Variants in FECH observed in about 807,000 individuals in gnomAD.
FECH encodes the protein ferrochelatase.
A neutral mutation model predicts 56.9 loss-of-function variants in FECH; 40 were observed. The ratio of observed to expected loss-of-function variants is 0.70; its 90% confidence interval spans 0.55 to 0.92. FECH has a LOEUF of 0.92. Among genes scored for constraint, FECH ranks in the 40% least tolerant of loss-of-function variants. The pLI is 0.00. For synonymous variants in FECH, 175 were observed against 198.6 expected (o/e 0.88, Z 1.00); for missense variants, 431 against 529.1 (o/e 0.81, Z 1.82).
Position 57,548,890 on chromosome 18 carries a change from A to G in FECH, c.*1822T>C, listed in dbSNP as rs2050756441. The G allele has an allele frequency of 6.6e-6, 1 of 152,204 alleles. No individual in the cohort carries two copies. Among genetic ancestry groups the G allele is most frequent in the African/African-American group, 2.4e-5 (1 of 41,456 alleles). 9.4% of individuals were successfully genotyped at this position (152,204 alleles called of 1,614,324 possible). A position where few individuals can be genotyped will look rare whatever the true frequency, so the allele number is the denominator to read the frequency against. On this transcript the variant is annotated 3_prime_UTR_variant, in exon 11 of 11. Coordinates refer to ENST00000262093, the MANE Select transcript of FECH (RefSeq NM_000140.5). ...AGTTTTCTGCATCATCTCCATAAAA[A>G]TATTTTTTCACCTCTAAAGTCATCA...
At chr18:57,550,934 G>A (rs776631327) in intron 10 of FECH, 88 bp from the exon 11 acceptor site, 31 of 1,567,902 alleles carry the variant, frequency 2.0e-5, no homozygotes, top group Admixed American at 6.8e-5. Flanking sequence ...CCAGGTCAGC[G>A]CTCTGGCTTG....
chr18:57,568,639 A>C (rs886368835), intron 4 of FECH, among the ~76,000 whole-genome samples: 2 of 152,104 alleles, frequency 1.3e-5, no homozygotes, highest in Non-Finnish European at 2.9e-5. Flanking sequence ...AGCCCAAAAC[A>C]CATCACTCAC....
chr18:57,563,081 G>T, intron 5 of FECH, 101 bp from the exon 6 acceptor site: 1 of 878,330 alleles, frequency 1.1e-6, no homozygotes. Context: ...GCAGGTAACT[G>T]CTTCTTTACT....
At chr18:57,584,805 A>G (rs945157258) in intron 1 of FECH, among the ~76,000 whole-genome samples, 2 of 149,924 alleles carry the variant, frequency 1.3e-5, no homozygotes, top group African/African-American at 4.9e-5. Flanking sequence ...TTATTATCCT[A>G]GAATTGTTTT....
chr18:57,570,386 C>T (rs998064213), intron 4 of FECH, among the ~76,000 whole-genome samples: 8 of 152,174 alleles, frequency 5.3e-5, no homozygotes, highest in Non-Finnish European at 1.0e-4. Context: ...GAACAATTTT[C>T]GAAGTGAGGT....
In FECH at chr18:57,545,928, G is replaced by C. The variant is rs1295251729; in HGVS notation, c.*4784C>G. On this transcript the variant is annotated 3_prime_UTR_variant, in exon 11 of 11. Coordinates refer to ENST00000262093, the MANE Select transcript of FECH (RefSeq NM_000140.5). ...GCGAATGTAGTTAATAATACTTCAA[G>C]TACTGTAGACAGTTGTCCTTCTATA... Among the ~76,000 whole-genome samples, 1 of 152,192 alleles carries C rather than the reference G, an allele frequency of 6.6e-6. No individual in the cohort carries two copies. The highest frequency in any genetic ancestry group is 2.4e-5 in the African/African-American group (1 of 41,454).
rs974072463 is a variant in FECH at position 57,545,859 on chromosome 18, G to C, written c.*4853C>G. Among the ~76,000 whole-genome samples the C allele has an allele frequency of 6.6e-6, 1 of 152,192 alleles. No individual in the cohort carries two copies. Reference sequence around the variant, plus strand: ...AGTTTGTAAAATGATCAAAATTTTAGATATGCAGGATAAATATGTTCTGGG... The same window carrying C: ...AGTTTGTAAAATGATCAAAATTTTACATATGCAGGATAAATATGTTCTGGG... On this transcript the variant is annotated 3_prime_UTR_variant, in exon 11 of 11. Transcript: ENST00000262093.
intron 5 of FECH, among the ~76,000 whole-genome samples, chr18:57,565,749 G>A (rs527852863): frequency 2.6e-5 from 4 of 152,136 alleles, no homozygotes; most frequent in Non-Finnish European, 5.9e-5. Flanking sequence ...ATATCCAAAA[G>A]CAATTTGGGA....
intron 2 of FECH, among the ~76,000 whole-genome samples, chr18:57,573,754 C>T (rs1441303895): frequency 6.6e-6 from 1 of 152,172 alleles, no homozygotes; most frequent in African/African-American, 2.4e-5. Flanking sequence ...CTGACCTCTC[C>T]CAACTTCAAG....
chr18:57,551,144 G>C (rs2122238164), intron 10 of FECH, 171 bp downstream of exon 10: 1 of 655,124 alleles, frequency 1.5e-6, no homozygotes, highest in East Asian at 2.7e-5. Flanking sequence ...CAGAAAATTG[G>C]GGCTATCTGA....
intron 2 of FECH, among the ~76,000 whole-genome samples, chr18:57,579,032 G>A (rs1441193097): frequency 6.6e-6 from 1 of 151,920 alleles, no homozygotes; most frequent in Non-Finnish European, 1.5e-5. Context: ...CGGATCACTT[G>A]AAGTCAGGAG....
At position 57,580,121 on chromosome 18, in the gene FECH, G is replaced by T; in HGVS notation, c.146C>A (p.Thr49Lys). 6.2e-7 allele frequency: 1 copy of T among 1,614,160 alleles called. No individual in the cohort carries two copies. The highest frequency in any genetic ancestry group is 1.1e-5 in the South Asian group (1 of 91,076). The part of the protein sequence containing the change: ...GAAAAAVTTE[T>K]AQHAQGAKPQ... ...TTTTGCACCCTGGGCATGCTGGGCT[G>T]TTTCTGTGGTGACGGCCGCTGCAGC... Residue 49 changes from threonine to lysine, a missense_variant, in exon 2 of 11, where the codon ACA becomes AAA. Coordinates refer to ENST00000262093, the MANE Select transcript of FECH (RefSeq NM_000140.5).
intron 4 of FECH, among the ~76,000 whole-genome samples, chr18:57,569,977 G>A (rs936514499): frequency 7.3e-5 from 11 of 150,676 alleles, no homozygotes; most frequent in African/African-American, 2.7e-4. Context: ...GGGCCTACAG[G>A]CGTGTGCCAC....
At chr18:57,555,902 G>A (rs2050861466) in intron 7 of FECH, among the ~76,000 whole-genome samples, 1 of 152,224 alleles carries the variant, frequency 6.6e-6, no homozygotes, top group Non-Finnish European at 1.5e-5. Flanking sequence ...GCTGAGGTGG[G>A]CTGATCGCCT....
rs145367187 is a variant in FECH, at chr18:57,547,459, G to T, written c.*3253C>A. Among the ~76,000 whole-genome samples, 21 of 152,228 alleles carry T rather than the reference G, an allele frequency of 1.4e-4. No homozygotes were observed. Among genetic ancestry groups the T allele is most frequent in the African/African-American group, 5.1e-4 (21 of 41,530 alleles). Reference sequence around the variant, plus strand: ...TTCTTGTGACAGCCAGTTCTCACGAGATCTGATGGTTTTATAAGGGGGCTC... The same window carrying T: ...TTCTTGTGACAGCCAGTTCTCACGATATCTGATGGTTTTATAAGGGGGCTC... On this transcript the variant is annotated 3_prime_UTR_variant, in exon 11 of 11. Transcript: ENST00000262093.
At position 57,546,425 on chromosome 18, in the gene FECH, C is replaced by T. The variant is rs1188887781; in HGVS notation, c.*4287G>A. Among the ~76,000 whole-genome samples the T allele has an allele frequency of 2.0e-5, 3 of 152,290 alleles. No individual in the cohort carries two copies. Among genetic ancestry groups the T allele is most frequent in the East Asian group, 3.9e-4 (2 of 5,182 alleles). On this transcript the variant is annotated 3_prime_UTR_variant, in exon 11 of 11. Transcript: ENST00000262093. ...TCTACACTCTGAGCAGGGGGCAGGTCTTGCTGCTCACTCCACTTGGGGTAT... is the reference window on the plus strand; with the variant it reads ...TCTACACTCTGAGCAGGGGGCAGGTTTTGCTGCTCACTCCACTTGGGGTAT...
At position 57,545,828 on chromosome 18, in the gene FECH, A is replaced by G. The variant is rs1385897517; in HGVS notation, c.*4884T>C. Among the ~76,000 whole-genome samples, 2 of 152,136 alleles carry G rather than the reference A, an allele frequency of 1.3e-5. No individual in the cohort carries two copies. The highest frequency in any genetic ancestry group is 1.9e-4 in the East Asian group (1 of 5,196). On this transcript the variant is annotated 3_prime_UTR_variant, in exon 11 of 11. Coordinates refer to ENST00000262093, the MANE Select transcript of FECH (RefSeq NM_000140.5). ...TAGCTGGAGAAAATTGACAAAAAAAATAGAAAGTTTGTAAAATGATCAAAA... is the reference window on the plus strand; with the variant it reads ...TAGCTGGAGAAAATTGACAAAAAAAGTAGAAAGTTTGTAAAATGATCAAAA...
At chr18:57,565,714 A>G (rs918819860) in intron 5 of FECH, among the ~76,000 whole-genome samples, 9 of 152,198 alleles carry the variant, frequency 5.9e-5, no homozygotes, top group African/African-American at 2.2e-4. Flanking sequence ...GATTCTCCTT[A>G]TGGTTATAGA....
At position 57,554,820 on chromosome 18, in the gene FECH, G is replaced by C. The variant is rs999771175; in HGVS notation, c.912+25C>G. On this transcript the variant is annotated intron_variant, in intron 8 of 10. Transcript: ENST00000262093. The stretch of plus-strand genomic sequence containing the variant: ...TAAATTTTACCAATAAGAGCTGGCC[G>C]CCCGCCAGTGTGGAAGCCACTTACC... The C allele has an allele frequency of 1.9e-6, 3 of 1,576,348 alleles. No homozygotes were observed. In the African/African-American group the frequency reaches 4.0e-5, roughly 21 times the overall value.
Sources: gnomAD v4.1 joint callset for allele counts (sites outside exome capture counted in the v4.1 genomes callset) on GRCh38, gnomAD v4.1.1 for gene constraint, MANE v1.5 for transcripts, NCBI Gene and HGNC (gene_info 2026-07-23, HGNC 2026-07-21) for gene names.